BCL2: variants seen among roughly 807,000 people sequenced by gnomAD.
BCL2 encodes BCL2 apoptosis regulator, also known as apoptosis regulator Bcl-2.
In BCL2, 1 loss-of-function variant was observed where a neutral mutation model predicts 14.2. That is an observed-to-expected ratio of 0.07 (90% confidence interval 0.02 to 0.33). BCL2 has a LOEUF of 0.33. BCL2 is among the 10% of genes least tolerant of loss of function. The probability of loss-of-function intolerance (pLI) is 0.99; values close to 1 mark genes in which losing one functional copy is unlikely to be tolerated. For synonymous variants in BCL2, 151 were observed against 137.2 expected, an observed-to-expected ratio of 1.10 and a Z score of -0.70; for missense variants, 247 against 305.9, an observed-to-expected ratio of 0.81 and a Z score of 1.44.
intron 2 of BCL2, among the ~76,000 whole-genome samples, chr18:63,304,918 G>T (rs1043396439): frequency 6.6e-6 from 1 of 152,214 alleles, no homozygotes; most frequent in Non-Finnish European, 1.5e-5. Flanking sequence ...TGCTAGTCAG[G>T]TGTCAACAAG....
chr18:63,223,539 A>G (rs1221718167), intron 2 of BCL2, among the ~76,000 whole-genome samples: 1 of 152,208 alleles, frequency 6.6e-6, no homozygotes, highest in Non-Finnish European at 1.5e-5. Flanking sequence ...GAACTCTGGG[A>G]GAGGATTTTG....
chr18:63,159,735 T>A (rs374418300), intron 2 of BCL2, among the ~76,000 whole-genome samples: 1 of 152,142 alleles, frequency 6.6e-6, no homozygotes, highest in South Asian at 2.1e-4. Context: ...CAAACAGAAA[T>A]GGACACAAAG....
At position 63,125,921 on chromosome 18, in the gene BCL2, T is replaced by C. The variant is rs1913899802; in HGVS notation, c.*2704A>G. 4.7e-6 allele frequency: 1 copy of C among 210,596 alleles called. No individual in the cohort carries two copies. The highest frequency in any genetic ancestry group is 9.7e-6 in the Non-Finnish European group (1 of 103,348). The allele number at this position is 210,596 out of a possible 1,614,324, so 13.0% of individuals were successfully genotyped here. A position where few individuals can be genotyped will look rare whatever the true frequency, so the allele number is the denominator to read the frequency against. ...AGCCCCCGTGACCTCTTAATATATATACATTTTTCAAATACTCTGTGAATC... is the reference window on the plus strand; with the variant it reads ...AGCCCCCGTGACCTCTTAATATATACACATTTTTCAAATACTCTGTGAATC... On this transcript the variant is annotated 3_prime_UTR_variant, in exon 3 of 3. Coordinates refer to ENST00000333681, the MANE Select transcript of BCL2 (RefSeq NM_000633.3).
chr18:63,135,664 C>T (rs1568212526), intron 2 of BCL2, among the ~76,000 whole-genome samples: 1 of 152,188 alleles, frequency 6.6e-6, no homozygotes, highest in Non-Finnish European at 1.5e-5. Context: ...CTGATTCCAC[C>T]ATCTCCCATT....
chr18:63,263,476 G>A (rs1911721271), intron 2 of BCL2, among the ~76,000 whole-genome samples: 1 of 152,142 alleles, frequency 6.6e-6, no homozygotes, highest in African/African-American at 2.4e-5. Context: ...GCTGATGAGT[G>A]GCCCTTCTCC....
At chr18:63,215,947 A>G (rs1433194649) in intron 2 of BCL2, among the ~76,000 whole-genome samples, 1 of 152,192 alleles carries the variant, frequency 6.6e-6, no homozygotes, top group Non-Finnish European at 1.5e-5. Context: ...AGAGAGAAAT[A>G]TGAAAAGTCT....
intron 2 of BCL2, among the ~76,000 whole-genome samples, chr18:63,266,953 A>C (rs1485525709): frequency 6.6e-6 from 1 of 152,222 alleles, no homozygotes; most frequent in Admixed American, 6.5e-5. Context: ...ATCTCTGAAA[A>C]GTGCCCTCAA....
At chr18:63,227,435 C>G (rs888361191) in intron 2 of BCL2, among the ~76,000 whole-genome samples, 4 of 152,176 alleles carry the variant, frequency 2.6e-5, no homozygotes, top group Non-Finnish European at 5.9e-5. Context: ...TCTCAAAACT[C>G]CTGGACTCAA....
intron 2 of BCL2, among the ~76,000 whole-genome samples, chr18:63,300,469 T>A (rs979905757): frequency 1.4e-5 from 2 of 142,676 alleles, no homozygotes; most frequent in South Asian, 4.3e-4. Context: ...TCTCTCTCTG[T>A]GTGTGTGTGT....
At chr18:63,295,422 AAG>A (rs1313191210) in intron 2 of BCL2, among the ~76,000 whole-genome samples, 34 of 152,168 alleles carry the variant, frequency 2.2e-4, no homozygotes, top group Non-Finnish European at 2.9e-5. Flanking sequence ...AGACAGCAGA[AAG>A]AGCAGCAGTG....
chr18:63,169,248 T>TTTTCTTTC (rs145779306), intron 2 of BCL2, among the ~76,000 whole-genome samples: 3,670 of 108,134 alleles, frequency 0.034, 276 homozygotes, highest in East Asian at 0.064. Flanking sequence ...CCCTTCGTGT[T>TTTTCTTTC]TTTCTTTCTT....
intron 2 of BCL2, among the ~76,000 whole-genome samples, chr18:63,274,094 A>G (rs1479017517): frequency 6.6e-6 from 1 of 151,930 alleles, no homozygotes; most frequent in Non-Finnish European, 1.5e-5. Flanking sequence ...CTTGTTTTCC[A>G]TCTCCCTTGA....
chr18:63,215,417 G>GA (rs1028787929), intron 2 of BCL2, among the ~76,000 whole-genome samples: 201 of 152,076 alleles, frequency 1.3e-3, no homozygotes, highest in Non-Finnish European at 2.3e-3. Context: ...ACGCAGTCAT[G>GA]AAAAAACAAA....
intron 2 of BCL2, among the ~76,000 whole-genome samples, chr18:63,286,211 C>A (rs1158693509): frequency 6.6e-6 from 1 of 152,236 alleles, no homozygotes; most frequent in Admixed American, 6.5e-5. Context: ...AATGCCTTAA[C>A]ACTTCCTTCA....
chr18:63,193,408 G>A (rs1439908380), intron 2 of BCL2, among the ~76,000 whole-genome samples: 3 of 151,832 alleles, frequency 2.0e-5, no homozygotes, highest in African/African-American at 4.8e-5. Context: ...CCTAGGCCCT[G>A]ACAACCACCA....
At chr18:63,288,374 A>T (rs1418282035) in intron 2 of BCL2, among the ~76,000 whole-genome samples, 1 of 152,342 alleles carries the variant, frequency 6.6e-6, no homozygotes, top group East Asian at 1.9e-4. Flanking sequence ...TTATATAACA[A>T]AGCTTTTCCT....
intron 2 of BCL2, among the ~76,000 whole-genome samples, chr18:63,285,624 A>AT (rs1912449922): frequency 1.3e-5 from 2 of 152,178 alleles, no homozygotes; most frequent in Non-Finnish European, 2.9e-5. Flanking sequence ...GACTGAACAT[A>AT]TGTCAGCCAT....
At chr18:63,307,003 T>G (rs956003817) in intron 2 of BCL2, among the ~76,000 whole-genome samples, 6 of 152,184 alleles carry the variant, frequency 3.9e-5, no homozygotes, top group Admixed American at 6.5e-5. Context: ...CACTTCCCAC[T>G]TCCCCAGGGC....
chr18:63,294,969 G>A (rs531747753), intron 2 of BCL2, among the ~76,000 whole-genome samples: 4 of 150,710 alleles, frequency 2.7e-5, no homozygotes, highest in African/African-American at 4.9e-5. Flanking sequence ...TGGCCAAGAC[G>A]GTGAAACCCC....
Sources: gnomAD v4.1 joint callset for allele counts (sites outside exome capture counted in the v4.1 genomes callset) on GRCh38, gnomAD v4.1.1 for gene constraint, MANE v1.5 for transcripts, NCBI Gene and HGNC (gene_info 2026-07-23, HGNC 2026-07-21) for gene names.